SLC24A2: variants seen among roughly 807,000 people sequenced by gnomAD.
The protein encoded by SLC24A2 is solute carrier family 24 member 2, also known as sodium/potassium/calcium exchanger 2.
In SLC24A2, 36 loss-of-function variants were observed where a neutral mutation model predicts 62.0. That is an observed-to-expected ratio of 0.58 (90% confidence interval 0.44 to 0.77). The LOEUF (loss-of-function observed/expected upper bound fraction) is 0.77. SLC24A2 is among the 30% of genes least tolerant of loss of function. SLC24A2 has a pLI of 0.00. For missense variants in SLC24A2, 846 were observed against 817.9 expected (o/e 1.03, Z -0.42); for synonymous variants, 358 against 294.0 (o/e 1.22, Z -2.23).
chr9:19,581,872 C>T (rs1465904182), intron 5 of SLC24A2, among the ~76,000 whole-genome samples: 1 of 152,150 alleles, frequency 6.6e-6, no homozygotes, highest in Non-Finnish European at 1.5e-5. Flanking sequence ...TTATTTTTAA[C>T]ATGTTTCAAG....
chr9:19,979,301 T>C, the SLC24A2 span, among the ~76,000 whole-genome samples: 1 of 152,320 alleles, frequency 6.6e-6, no homozygotes, highest in East Asian at 1.9e-4. Context: ...TCATTTCCAC[T>C]AATTTCCAGG....
the SLC24A2 span, among the ~76,000 whole-genome samples, chr9:20,302,238 C>G: frequency 6.6e-6 from 1 of 152,138 alleles, no homozygotes; most frequent in Non-Finnish European, 1.5e-5. Context: ...CTTTGGGTAG[C>G]TACCAAGGAG....
the SLC24A2 span, among the ~76,000 whole-genome samples, chr9:20,206,224 A>G: frequency 3.3e-5 from 5 of 152,218 alleles, no homozygotes; most frequent in Non-Finnish European, 7.3e-5. Context: ...TGAAAAGTCT[A>G]TATTAAAATA....
intron 9 of SLC24A2, among the ~76,000 whole-genome samples, chr9:19,524,383 T>C (rs1215269441): frequency 2.6e-5 from 1 of 38,944 alleles, no homozygotes; most frequent in Non-Finnish European, 5.8e-5. Flanking sequence ...GCAAAAACAA[T>C]AAGAAACAAG....
At chr9:19,780,095 C>G (rs556609067) in intron 2 of SLC24A2, among the ~76,000 whole-genome samples, 2 of 151,836 alleles carry the variant, frequency 1.3e-5, no homozygotes, top group Non-Finnish European at 2.9e-5. Flanking sequence ...AACAAACAAA[C>G]GGACAAAAAA....
the SLC24A2 span, among the ~76,000 whole-genome samples, chr9:20,250,152 C>T: frequency 2.0e-5 from 3 of 152,166 alleles, no homozygotes; most frequent in Admixed American, 6.5e-5. Context: ...CATAGCAGCT[C>T]TGTAATGTAG....
chr9:19,719,244 T>A (rs1249502140), intron 2 of SLC24A2, among the ~76,000 whole-genome samples: 3 of 152,204 alleles, frequency 2.0e-5, no homozygotes, highest in Non-Finnish European at 2.9e-5. Flanking sequence ...CATCTCATTA[T>A]TCCTCTGGGG....
the SLC24A2 span, among the ~76,000 whole-genome samples, chr9:20,276,845 G>A: frequency 3.4e-4 from 52 of 152,352 alleles, no homozygotes; most frequent in African/African-American, 1.2e-3. Flanking sequence ...ACCCTCTGAA[G>A]CAATGGCCTG....
chr9:19,750,198 G>A (rs912596476), intron 2 of SLC24A2, among the ~76,000 whole-genome samples: 2 of 152,142 alleles, frequency 1.3e-5, no homozygotes, highest in African/African-American at 4.8e-5. Context: ...CAGAATACAG[G>A]AAGATTCACT....
the SLC24A2 span, among the ~76,000 whole-genome samples, chr9:20,057,340 T>A: frequency 6.6e-6 from 1 of 152,254 alleles, no homozygotes; most frequent in African/African-American, 2.4e-5. Context: ...TTTGTTTTAC[T>A]GATGTAAACT....
the SLC24A2 span, among the ~76,000 whole-genome samples, chr9:20,212,403 C>G: frequency 6.6e-6 from 1 of 151,782 alleles, no homozygotes; most frequent in African/African-American, 2.4e-5. Context: ...GTAATCCCAG[C>G]ACTTTGGGAA....
chr9:19,662,685 A>G (rs1167678668), intron 2 of SLC24A2, among the ~76,000 whole-genome samples: 4 of 152,140 alleles, frequency 2.6e-5, no homozygotes, highest in Non-Finnish European at 5.9e-5. Flanking sequence ...GCATGTTGTT[A>G]CCTGTGCCTG....
the SLC24A2 span, among the ~76,000 whole-genome samples, chr9:20,143,060 T>TGAAGTGACAGAG: frequency 2.0e-5 from 3 of 152,192 alleles, no homozygotes; most frequent in Non-Finnish European, 2.9e-5. Context: ...CACCCACCAA[T>TGAAGTGACAGAG]GAAGTGACAG....
At chr9:19,808,645 G>C in the SLC24A2 span, among the ~76,000 whole-genome samples, 2 of 152,168 alleles carry the variant, frequency 1.3e-5, no homozygotes, top group African/African-American at 2.4e-5. The surrounding 1 kb of genome is among the most constrained non-coding windows in gnomAD (Gnocchi z 4.1). Flanking sequence ...CCCTCCCCCA[G>C]TTCCTCATTG....
At chr9:19,550,675 G>C (rs1834799754) in intron 7 of SLC24A2, among the ~76,000 whole-genome samples, 1 of 148,948 alleles carries the variant, frequency 6.7e-6, no homozygotes, top group Non-Finnish European at 1.5e-5. Context: ...CCTTGGGAAG[G>C]AGAGCACTGA....
chr9:19,754,034 TA>T (rs1025754028), intron 2 of SLC24A2, among the ~76,000 whole-genome samples: 20 of 152,054 alleles, frequency 1.3e-4, no homozygotes, highest in African/African-American at 3.6e-4. Flanking sequence ...AAAGCACACT[TA>T]AAAAAAATTT....
At chr9:19,938,424 G>T in the SLC24A2 span, among the ~76,000 whole-genome samples, 2 of 152,062 alleles carry the variant, frequency 1.3e-5, no homozygotes, top group South Asian at 2.1e-4. Flanking sequence ...ACTACCATTT[G>T]TCTTCCCAAT....
chr9:20,114,542 T>C, the SLC24A2 span, among the ~76,000 whole-genome samples: 1 of 152,098 alleles, frequency 6.6e-6, no homozygotes, highest in Non-Finnish European at 1.5e-5. Context: ...CAGTACACCA[T>C]CCCAAAAGTT....
At chr9:20,072,365 C>T in the SLC24A2 span, among the ~76,000 whole-genome samples, 1 of 151,978 alleles carries the variant, frequency 6.6e-6, no homozygotes, top group African/African-American at 2.4e-5. Context: ...GAAAGGAGGA[C>T]AAGAGAAGGT....
Sources: allele counts gnomAD v4.1 joint callset (sites outside exome capture counted in the v4.1 genomes callset), GRCh38; gene constraint gnomAD v4.1.1; non-coding constraint Gnocchi (gnomAD v3.1); transcripts MANE v1.5; gene names NCBI Gene and HGNC (gene_info 2026-07-23, HGNC 2026-07-21).